The following PLA2G6 variants were observed in gnomAD, a reference collection of about 807,000 sequenced individuals.
The protein encoded by PLA2G6 is phospholipase A2 group VI, also known as 85/88 kDa calcium-independent phospholipase A2.
A neutral mutation model predicts 83.8 loss-of-function variants in PLA2G6; 62 were observed. The ratio of observed to expected loss-of-function variants is 0.74; its 90% confidence interval spans 0.60 to 0.91. The LOEUF is 0.91. Ranked by LOEUF, PLA2G6 falls within the 40% of genes least tolerant of loss-of-function variation. The pLI, the probability that PLA2G6 is intolerant of heterozygous loss-of-function variation, is 0.00. For synonymous variants in PLA2G6, 417 were observed against 449.8 expected (o/e 0.93, Z 0.92); for missense variants, 944 against 1,102.0 (o/e 0.86, Z 2.03).
At chr22:38,125,584 C>G in intron 10 of PLA2G6, 4 of 449,774 alleles carry the variant, frequency 8.9e-6, no homozygotes, top group Non-Finnish European at 9.2e-6. Context: ...CCTGCGGTAG[C>G]ACAAAGGACG....
chr22:38,127,112 G>A, intron 9 of PLA2G6: 2 of 1,116,350 alleles, frequency 1.8e-6, no homozygotes, highest in South Asian at 2.2e-5. Context: ...CAGTCCCCAG[G>A]TGCCTGGTGC....
chr22:38,160,709 G>C (rs2089975438), intron 2 of PLA2G6, among the ~76,000 whole-genome samples: 1 of 152,198 alleles, frequency 6.6e-6, no homozygotes, highest in South Asian at 2.1e-4. Context: ...GCCGGGCGTG[G>C]TGGCGGGCAC....
Position 38,120,926 on chromosome 22 carries a change from C to A in PLA2G6, c.1592-17G>T. Reference sequence around the variant, plus strand: ...TGGACTTACCTAGGAACAAAGGGGTCAGAGGCGGGGAGATGCAGCGGCCAC... The same window carrying A: ...TGGACTTACCTAGGAACAAAGGGGTAAGAGGCGGGGAGATGCAGCGGCCAC... On this transcript the variant is annotated splice_polypyrimidine_tract_variant and intron_variant, in intron 11 of 16. Coordinates refer to ENST00000332509, the MANE Select transcript of PLA2G6 (RefSeq NM_003560.4). 1 of 1,612,634 alleles carries A rather than the reference C, an allele frequency of 6.2e-7. No homozygotes were observed. The highest frequency in any genetic ancestry group is 1.1e-5 in the South Asian group (1 of 91,054).
rs781049958 is a variant in PLA2G6, at chr22:38,132,072, G to A, written c.1077+759C>T. ...GGAGGTTGTGGTGAGCCGAGATCGC[G>A]CCACTGCACTCCAGCCTGGGCGACA... On this transcript the variant is annotated intron_variant, in intron 7 of 16. Coordinates refer to ENST00000332509, the MANE Select transcript of PLA2G6 (RefSeq NM_003560.4). The surrounding 1 kb of genome is among the most constrained non-coding windows in gnomAD (Gnocchi z 5.0). 10 of 448,764 alleles carry A rather than the reference G, an allele frequency of 2.2e-5. No homozygotes were observed. The highest frequency in any genetic ancestry group is 1.3e-4 in the South Asian group (8 of 63,256). 27.8% of individuals were successfully genotyped at this position (448,764 alleles called of 1,614,324 possible).
chr22:38,116,863 A>AAAAAAAAAAAAAAC (rs2087234923), intron 12 of PLA2G6, among the ~76,000 whole-genome samples: 1 of 150,854 alleles, frequency 6.6e-6, no homozygotes, highest in Non-Finnish European at 1.5e-5. Flanking sequence ...AAAAAAAAAA[A>AAAAAAAAAAAAAAC]AAAAAAAAAA....
intron 10 of PLA2G6, 58 bp downstream of exon 10, chr22:38,126,313 G>T: frequency 7.6e-7 from 1 of 1,323,044 alleles, no homozygotes; most frequent in Non-Finnish European, 1.1e-6. Flanking sequence ...CAGGGGGTGG[G>T]TGAGGGGCAG....
chr22:38,172,695 C>T (rs1208740905), intron 1 of PLA2G6, among the ~76,000 whole-genome samples: 1 of 152,172 alleles, frequency 6.6e-6, no homozygotes, highest in Non-Finnish European at 1.5e-5. Context: ...CCCACAGGGA[C>T]GCGGAGGGGT....
Position 38,111,724 on chromosome 22 carries a change from G to A in PLA2G6, c.*437C>T, listed in dbSNP as rs2086880691. On this transcript the variant is annotated 3_prime_UTR_variant, in exon 17 of 17. Transcript: ENST00000332509. ...CCATTTCTTTAGTCCCAGCCCCCAG[G>A]GAACGGAGCAGAGGGCAGAGGGAGT... The A allele has an allele frequency of 3.9e-6, 1 of 253,756 alleles. No individual in the cohort carries two copies. The highest frequency in any genetic ancestry group is 2.2e-5 in the African/African-American group (1 of 44,618). 15.7% of individuals were successfully genotyped at this position (253,756 alleles called of 1,614,324 possible). A position where few individuals can be genotyped will look rare whatever the true frequency, so the allele number is the denominator to read the frequency against.
intron 4 of PLA2G6, chr22:38,142,113 T>C (rs2088944812): frequency 1.4e-5 from 2 of 143,062 alleles, no homozygotes; most frequent in African/African-American, 5.2e-5. Flanking sequence ...GAGCATCACT[T>C]CAACCCAGGA....
At chr22:38,164,324 A>G (rs2090134493) in intron 2 of PLA2G6, among the ~76,000 whole-genome samples, 1 of 152,232 alleles carries the variant, frequency 6.6e-6, no homozygotes, top group African/African-American at 2.4e-5. Flanking sequence ...TTCTGGAGCC[A>G]GGTGACAGGG....
intron 2 of PLA2G6, among the ~76,000 whole-genome samples, chr22:38,158,986 G>T (rs941182684): frequency 1.3e-5 from 2 of 151,826 alleles, no homozygotes; most frequent in Non-Finnish European, 2.9e-5. Context: ...ATCATCTGAG[G>T]TCAGGAGTTC....
intron 2 of PLA2G6, chr22:38,148,571 G>T: frequency 1.4e-6 from 1 of 717,130 alleles, no homozygotes; most frequent in Non-Finnish European, 2.6e-6. Context: ...CAGACGAGCA[G>T]CACCAGTAAC....
intron 1 of PLA2G6, chr22:38,180,522 A>G (rs1602310552): frequency 6.6e-6 from 1 of 152,256 alleles, no homozygotes; most frequent in African/African-American, 2.4e-5. Context: ...AATGGTGAAG[A>G]GAACATATAC....
chr22:38,135,346 G>T (rs1354693101), intron 5 of PLA2G6: 3 of 471,076 alleles, frequency 6.4e-6, no homozygotes, highest in African/African-American at 2.0e-5. Flanking sequence ...AGTCAGATGG[G>T]CTTGAAGTCA....
Position 38,143,263 on chromosome 22 carries a change from C to A in PLA2G6, c.451G>T (p.Glu151Ter). The change falls in exon 4 of 17, where the codon GAG (glutamate) becomes TAG (stop). Residue 151 changes from glutamate to a stop codon, truncating the protein, a stop_gained. Coordinates refer to ENST00000332509, the MANE Select transcript of PLA2G6 (RefSeq NM_003560.4). LOFTEE classifies it high-confidence loss of function. Reference sequence around the variant, plus strand: ...GCCAGGTGCAGGGGTGTGCAGCCCTCCTCGTTCTCCGCGCAATTGGCACAG... The same window carrying A: ...GCCAGGTGCAGGGGTGTGCAGCCCTACTCGTTCTCCGCGCAATTGGCACAG... ...ISCANCAENE[E>*]GCTPLHLACR... 2 of 1,613,444 alleles carry A rather than the reference C, an allele frequency of 1.2e-6. No homozygotes were observed. The highest frequency in any genetic ancestry group is 1.7e-6 in the Non-Finnish European group (2 of 1,180,030).
intron 11 of PLA2G6, 118 bp downstream of exon 11, chr22:38,122,977 G>T: frequency 9.9e-7 from 1 of 1,009,910 alleles, no homozygotes; most frequent in Non-Finnish European, 1.5e-6. Flanking sequence ...TCCTCAAAGT[G>T]CTTATAGCCC....
At chr22:38,117,268 G>A (rs914335244) in intron 12 of PLA2G6, among the ~76,000 whole-genome samples, 6 of 152,146 alleles carry the variant, frequency 3.9e-5, no homozygotes, top group Admixed American at 6.5e-5. Context: ...GTACAGTGGC[G>A]CAATCTCGGC....
At chr22:38,134,539 G>A (rs971179702) in intron 6 of PLA2G6, 18 of 156,822 alleles carry the variant, frequency 1.1e-4, no homozygotes, top group South Asian at 9.3e-4. Context: ...TCCAGCCTGG[G>A]CGACAGAGCG....
intron 1 of PLA2G6, among the ~76,000 whole-genome samples, chr22:38,180,889 G>A (rs188048296): frequency 6.6e-6 from 1 of 152,278 alleles, no homozygotes; most frequent in Non-Finnish European, 1.5e-5. Flanking sequence ...CAAAAACAAT[G>A]CATTCAGCCC....
Sources: allele counts gnomAD v4.1 joint callset (sites outside exome capture counted in the v4.1 genomes callset), GRCh38; gene constraint gnomAD v4.1.1; non-coding constraint Gnocchi (gnomAD v3.1); transcripts MANE v1.5; gene names NCBI Gene and HGNC (gene_info 2026-07-23, HGNC 2026-07-21).